The following PXDNL variants were observed in gnomAD, a reference collection of about 807,000 sequenced individuals.
PXDNL encodes the protein peroxidasin like, also known as probable oxidoreductase PXDNL.
Under a neutral mutation model 150.8 loss-of-function variants are expected in PXDNL, and 145 were observed. The ratio of observed to expected loss-of-function variants is 0.96; its 90% confidence interval spans 0.84 to 1.10. PXDNL has a LOEUF of 1.10. Ranked by LOEUF, PXDNL falls within the 50% of genes least tolerant of loss-of-function variation. The probability of loss-of-function intolerance (pLI) is 0.00; values close to 1 mark genes in which losing one functional copy is unlikely to be tolerated. For missense variants in PXDNL, 2,087 were observed against 1,873.9 expected, an observed-to-expected ratio of 1.11 and a Z score of -2.10; for synonymous variants, 757 against 725.7, an observed-to-expected ratio of 1.04 and a Z score of -0.69.
intron 1 of PXDNL, among the ~76,000 whole-genome samples, chr8:51,673,023 GA>G (rs1171849711): frequency 1.3e-5 from 2 of 151,896 alleles, no homozygotes; most frequent in African/African-American, 4.8e-5. Context: ...AGAAACGATT[GA>G]AAAAAATCTG....
At chr8:51,766,233 A>G (rs2037230595) in intron 1 of PXDNL, among the ~76,000 whole-genome samples, 2 of 152,332 alleles carry the variant, frequency 1.3e-5, no homozygotes, top group Admixed American at 1.3e-4. Context: ...AATAGTATAG[A>G]AAAAATTTTG....
chr8:51,404,180 A>T (rs923810790), intron 17 of PXDNL, among the ~76,000 whole-genome samples: 1 of 152,242 alleles, frequency 6.6e-6, no homozygotes, highest in African/African-American at 2.4e-5. Context: ...AAGAGTAAGC[A>T]GCAGCAATAT....
intron 1 of PXDNL, among the ~76,000 whole-genome samples, chr8:51,717,247 T>A (rs1232486913): frequency 1.3e-5 from 2 of 152,162 alleles, no homozygotes; most frequent in Non-Finnish European, 2.9e-5. Flanking sequence ...AATACTATAG[T>A]TTCCCAGAAA....
At chr8:51,661,834 TTTTC>T (rs1244441443) in intron 1 of PXDNL, among the ~76,000 whole-genome samples, 1 of 148,664 alleles carries the variant, frequency 6.7e-6, no homozygotes, top group Non-Finnish European at 1.5e-5. Flanking sequence ...TGGGGTGATT[TTTTC>T]TTTCTTTTCT....
intron 1 of PXDNL, among the ~76,000 whole-genome samples, chr8:51,718,852 A>G (rs1816667117): frequency 6.6e-6 from 1 of 152,084 alleles, no homozygotes; most frequent in South Asian, 2.1e-4. Context: ...AAAGGTGGAT[A>G]TTTTCAATTC....
rs1263635540 is a variant in PXDNL at position 51,743,960 on chromosome 8, AAAG to A, written c.164+65218_164+65220del. Among the ~76,000 whole-genome samples the A allele has an allele frequency of 3.4e-4, 3 of 8,698 alleles. 1 individual carries two copies. The highest frequency in any genetic ancestry group is 1.2e-3 in the Non-Finnish European group (3 of 2,512). 5.7% of individuals were successfully genotyped at this position (8,698 alleles called of 152,430 possible). On this transcript the variant is annotated intron_variant, in intron 1 of 22. Transcript: ENST00000356297. ...GGAAGGAGAGAAAGAGAGAAAGAAA[AAAG>A]AGAGAGAAAAAAGAAAGGAAGGAAG...
rs911051462 is a variant in PXDNL at position 51,453,121 on chromosome 8, G to A, written c.1249+398C>T. 3.3e-5 allele frequency among the ~76,000 whole-genome samples: 5 copies of A among 152,224 alleles called. No individual in the cohort carries two copies. In the South Asian group the frequency reaches 1.0e-3, roughly 31 times the overall value. On this transcript the variant is annotated intron_variant, in intron 10 of 22. Coordinates refer to ENST00000356297, the MANE Select transcript of PXDNL (RefSeq NM_144651.5). ...TGTTACGCAGTCTGGCCTCGTAGGA[G>A]CCTTCAGCATGTCCTCAAGCTCTGT...
chr8:51,412,152 A>T (rs1455029726), intron 15 of PXDNL, among the ~76,000 whole-genome samples: 1 of 152,206 alleles, frequency 6.6e-6, no homozygotes, highest in East Asian at 1.9e-4. Context: ...TGTGAAGCAA[A>T]CTGTTTTAGA....
In PXDNL at chr8:51,408,752, C is replaced by G. The variant is rs867024305; in HGVS notation, c.2872G>C (p.Asp958His). Residue 958 changes from aspartate (D) to histidine (H), a missense_variant, in exon 17 of 23, where the codon GAC (aspartate) becomes CAC (histidine). By Grantham distance (81) the Asp-to-His change is moderately conservative (BLOSUM62 -1). Transcript: ENST00000356297. ...EQESPCFLAG[D>H]HRANEHLALA... ...GCCAGATGCTCGTTGGCCCGGTGGT[C>G]CCCGGCCAGGAAACAGGGGCTCTCC... is the stretch of plus-strand genomic sequence containing the variant. 3.2e-6 allele frequency: 5 copies of G among 1,584,264 alleles called. No homozygotes were observed. The highest frequency in any genetic ancestry group is 4.3e-6 in the Non-Finnish European group (5 of 1,165,554).
rs529352542 is a variant in PXDNL, at chr8:51,604,263, C to T, written c.237-11565G>A. 6.0e-3 allele frequency among the ~76,000 whole-genome samples: 916 copies of T among 152,180 alleles called. 8 individuals are homozygous for T. Among genetic ancestry groups the T allele is most frequent in the South Asian group, 0.026 (123 of 4,812 alleles). ...TGGAACCAACCCAAATGTCCAACAACAATAGACTGGATTAAGAAAATGTGG... is the reference window on the plus strand; with the variant it reads ...TGGAACCAACCCAAATGTCCAACAATAATAGACTGGATTAAGAAAATGTGG... On this transcript the variant is annotated intron_variant, in intron 2 of 22. Coordinates refer to ENST00000356297, the MANE Select transcript of PXDNL (RefSeq NM_144651.5).
At chr8:51,325,716 C>G (rs150685024) in intron 21 of PXDNL, among the ~76,000 whole-genome samples, 60 of 152,248 alleles carry the variant, frequency 3.9e-4, no homozygotes, top group Middle Eastern at 3.4e-3. Flanking sequence ...CTTATGACCC[C>G]AAGTTTTTGC....
At chr8:51,590,003 AG>A (rs1375085712) in intron 3 of PXDNL, among the ~76,000 whole-genome samples, 2 of 152,120 alleles carry the variant, frequency 1.3e-5, no homozygotes, top group African/African-American at 2.4e-5. Context: ...TTCCCATCGC[AG>A]GCCCTGAGCT....
chr8:51,486,526 A>G (rs755625535), intron 5 of PXDNL, among the ~76,000 whole-genome samples: 47 of 152,022 alleles, frequency 3.1e-4, no homozygotes, highest in East Asian at 9.7e-4. Flanking sequence ...TCCCAGTAGT[A>G]TTCAGTAAAT....
chr8:51,333,693 T>C (rs981377650), intron 21 of PXDNL, among the ~76,000 whole-genome samples: 2 of 152,088 alleles, frequency 1.3e-5, no homozygotes, highest in African/African-American at 4.8e-5. Context: ...AAACAAACTT[T>C]AAAGCATCAG....
chr8:51,352,566 C>T (rs1806385659), intron 19 of PXDNL, among the ~76,000 whole-genome samples: 1 of 152,136 alleles, frequency 6.6e-6, no homozygotes, highest in Admixed American at 6.5e-5. Flanking sequence ...GACACTTCCC[C>T]TTTGCTCTCT....
At chr8:51,420,193 A>T (rs1167967400) in intron 14 of PXDNL, among the ~76,000 whole-genome samples, 12 of 152,212 alleles carry the variant, frequency 7.9e-5, no homozygotes, top group Admixed American at 3.3e-4. Context: ...CACAAATGGA[A>T]TTACAACATT....
At position 51,788,496 on chromosome 8, in the gene PXDNL, A is replaced by G. The variant is rs545243126; in HGVS notation, c.164+20685T>C. ...ATGAAAAACCAGGAGTAGAAATGTCATAGATAAAGATGTATTTGCACTTTA... is the reference window on the plus strand; with the variant it reads ...ATGAAAAACCAGGAGTAGAAATGTCGTAGATAAAGATGTATTTGCACTTTA... On this transcript the variant is annotated intron_variant, in intron 1 of 22. Coordinates refer to ENST00000356297, the MANE Select transcript of PXDNL (RefSeq NM_144651.5). Among the ~76,000 whole-genome samples the G allele has an allele frequency of 4.7e-4, 72 of 152,370 alleles. 2 individuals carry two copies. The highest frequency in any genetic ancestry group is 1.3e-4 in the Admixed American group (2 of 15,308).
intron 1 of PXDNL, among the ~76,000 whole-genome samples, chr8:51,694,900 T>C (rs1816084167): frequency 6.6e-6 from 1 of 152,184 alleles, no homozygotes; most frequent in Non-Finnish European, 1.5e-5. Context: ...TTAAAGTATA[T>C]TGTTAATGTT....
intron 8 of PXDNL, among the ~76,000 whole-genome samples, chr8:51,461,390 C>T (rs1477268634): frequency 1.3e-5 from 2 of 152,218 alleles, no homozygotes; most frequent in African/African-American, 4.8e-5. Flanking sequence ...CACCTGACAG[C>T]CCAGCGATCT....
Sources: gnomAD v4.1 joint callset for allele counts (sites outside exome capture counted in the v4.1 genomes callset) on GRCh38, gnomAD v4.1.1 for gene constraint, MANE v1.5 for transcripts, NCBI Gene and HGNC (gene_info 2026-07-23, HGNC 2026-07-21) for gene names.